Variants in CACNA1D observed in about 807,000 individuals in gnomAD.
The protein encoded by CACNA1D is voltage-dependent L-type calcium channel subunit alpha-1D.
CACNA1D carries 55 observed loss-of-function variants against 257.1 expected under a neutral mutation model. That is an observed-to-expected ratio of 0.21 (90% CI 0.17 to 0.27). The LOEUF is 0.27. CACNA1D is among the 10% of genes least tolerant of loss of function. The pLI is 1.00. For missense variants in CACNA1D, 1,876 were observed against 2,784.0 expected (o/e 0.67, Z 7.34); for synonymous variants, 980 against 1,014.9 (o/e 0.97, Z 0.65).
At chr3:53,548,371 T>TAA (rs869046550) in intron 3 of CACNA1D, among the ~76,000 whole-genome samples, 1,514 of 138,142 alleles carry the variant, frequency 0.011, 29 homozygotes, top group African/African-American at 0.039. Flanking sequence ...TTTTTTTTTT[T>TAA]AAAAATTATC....
intron 3 of CACNA1D, among the ~76,000 whole-genome samples, chr3:53,566,138 A>G (rs549314573): frequency 2.0e-5 from 3 of 152,346 alleles, no homozygotes; most frequent in Middle Eastern, 3.4e-3. Context: ...GACAATGGGA[A>G]GACACCTCCC....
chr3:53,509,457 C>A (rs895406024), intron 3 of CACNA1D, among the ~76,000 whole-genome samples: 1 of 152,230 alleles, frequency 6.6e-6, no homozygotes, highest in Admixed American at 6.5e-5. Flanking sequence ...AAATGACTTT[C>A]TTCTCCAGAA....
chr3:53,792,128 C>T (rs1356883187), intron 40 of CACNA1D: 1 of 152,206 alleles, frequency 6.6e-6, no homozygotes, highest in Non-Finnish European at 1.5e-5. Flanking sequence ...CTTTTCTGTT[C>T]TGTACCATAC....
intron 3 of CACNA1D, among the ~76,000 whole-genome samples, chr3:53,555,263 C>T (rs1224665950): frequency 6.6e-6 from 1 of 152,060 alleles, no homozygotes; most frequent in African/African-American, 2.4e-5. Flanking sequence ...TTTTTTATGG[C>T]CCTGTATTTT....
intron 40 of CACNA1D, among the ~76,000 whole-genome samples, chr3:53,799,574 G>A (rs554750921): frequency 7.9e-5 from 12 of 152,310 alleles, no homozygotes; most frequent in South Asian, 2.1e-4. Flanking sequence ...TTCAAAAAGC[G>A]GACCCCCTGT....
intron 3 of CACNA1D, among the ~76,000 whole-genome samples, chr3:53,504,916 G>A (rs963660267): frequency 1.3e-5 from 2 of 151,988 alleles, no homozygotes; most frequent in Non-Finnish European, 2.9e-5. Context: ...GGAACTGCTT[G>A]AAATTAAAAA....
chr3:53,651,366 C>CATTTTTTTTTTTTTTTTT (rs1553623470), intron 4 of CACNA1D, among the ~76,000 whole-genome samples: 1 of 81,836 alleles, frequency 1.2e-5, no homozygotes, highest in East Asian at 3.9e-4. Flanking sequence ...TATTAATTTT[C>CATTTTTTTTTTTTTTTTT]TTTTTTTTTT....
chr3:53,497,595 T>C (rs1165395817), intron 2 of CACNA1D, 134 bp downstream of exon 2: 8 of 861,498 alleles, frequency 9.3e-6, no homozygotes, highest in Non-Finnish European at 1.3e-5. Flanking sequence ...ATAAGGGGTT[T>C]CATTGTATAT....
Position 53,811,448 on chromosome 3 carries a change from G to A in CACNA1D, c.*42G>A, listed in dbSNP as rs112543277. On this transcript the variant is annotated 3_prime_UTR_variant, in exon 48 of 48. Transcript: ENST00000350061. This position sits in a 1 kb window ranked among gnomAD's most constrained non-coding sequence, Gnocchi z 4.2. Reference sequence around the variant, plus strand: ...GACTGGCTCTGGCCTCAGGTGGGGCGCAGGAGAGCCAGGGGAAAAGTGCCT... The same window carrying A: ...GACTGGCTCTGGCCTCAGGTGGGGCACAGGAGAGCCAGGGGAAAAGTGCCT... The A allele has an allele frequency of 1.4e-5, 21 of 1,482,976 alleles. No homozygotes were observed. The highest frequency in any genetic ancestry group is 2.4e-4 in the Middle Eastern group (1 of 4,110). 91.9% of individuals were successfully genotyped at this position (1,482,976 alleles called of 1,614,324 possible).
chr3:53,522,408 G>A (rs1280826318), intron 3 of CACNA1D, among the ~76,000 whole-genome samples: 2 of 151,982 alleles, frequency 1.3e-5, no homozygotes, highest in East Asian at 3.9e-4. Context: ...TGGTCTGTGG[G>A]CCCTGCAGGC....
Position 53,494,626 on chromosome 3 carries a change from C to G in CACNA1D, c.-541C>G, listed in dbSNP as rs2090269473. The G allele has an allele frequency of 2.1e-5, 3 of 145,960 alleles. No homozygotes were observed. The allele number at this position is 145,960 out of a possible 1,614,324, so 9.0% of individuals were successfully genotyped here. A position where few individuals can be genotyped will look rare whatever the true frequency, so the allele number is the denominator to read the frequency against. ...TCGCCAGGGCGAAGCCGGCGTGCGG[C>G]GCGGCGCGGCGGGCGCGGAGCGAGC... On this transcript the variant is annotated 5_prime_UTR_variant, in exon 1 of 48. Coordinates refer to ENST00000350061, the MANE Select transcript of CACNA1D (RefSeq NM_001128840.3).
At chr3:53,744,042 A>C (rs1324958075) in intron 22 of CACNA1D, among the ~76,000 whole-genome samples, 1 of 152,140 alleles carries the variant, frequency 6.6e-6, no homozygotes, top group Non-Finnish European at 1.5e-5. Flanking sequence ...CTTCCTCCTG[A>C]GCATGTGTTC....
At chr3:53,708,189 T>C (rs144347680) in intron 9 of CACNA1D, among the ~76,000 whole-genome samples, 1 of 152,376 alleles carries the variant, frequency 6.6e-6, no homozygotes, top group Non-Finnish European at 1.5e-5. Context: ...GCATAAGGCA[T>C]AGCAATTTGC....
rs549984079 is a variant in CACNA1D, at chr3:53,520,337, G to C, written c.483+18617G>C. On this transcript the variant is annotated intron_variant, in intron 3 of 47. Transcript: ENST00000350061. ...TATCTTTTTAATTATAGCCATCATA[G>C]TGCATATGAAGTGGTATCTCATTGT... Among the ~76,000 whole-genome samples, 5 of 152,322 alleles carry C rather than the reference G, an allele frequency of 3.3e-5. No homozygotes were observed. In the South Asian group the frequency reaches 1.0e-3, roughly 32 times the overall value.
chr3:53,638,682 C>T (rs2093914242), intron 3 of CACNA1D, among the ~76,000 whole-genome samples: 1 of 152,158 alleles, frequency 6.6e-6, no homozygotes, highest in South Asian at 2.1e-4. Context: ...AGTCACTTGC[C>T]CAAGTCTGCA....
intron 7 of CACNA1D, among the ~76,000 whole-genome samples, chr3:53,667,008 T>C (rs1037591619): frequency 6.6e-6 from 1 of 152,212 alleles, no homozygotes; most frequent in Admixed American, 6.5e-5. Flanking sequence ...ATGCTTTTCA[T>C]AACTCAGTAT....
intron 9 of CACNA1D, among the ~76,000 whole-genome samples, chr3:53,712,531 T>C (rs1429021509): frequency 4.6e-5 from 7 of 152,212 alleles, no homozygotes; most frequent in Admixed American, 4.6e-4. Flanking sequence ...TCTACTAGCA[T>C]GTGCATGTGC....
At chr3:53,574,803 G>T (rs1031008178) in intron 3 of CACNA1D, among the ~76,000 whole-genome samples, 3 of 152,156 alleles carry the variant, frequency 2.0e-5, no homozygotes, top group African/African-American at 7.2e-5. Context: ...GACACGCCAG[G>T]AATTACATGG....
intron 30 of CACNA1D, among the ~76,000 whole-genome samples, chr3:53,764,744 G>A (rs2095323105): frequency 6.6e-6 from 1 of 152,242 alleles, no homozygotes; most frequent in African/African-American, 2.4e-5. Context: ...CCTTGCACCA[G>A]TCAGGAAAGG....
Sources: allele counts gnomAD v4.1 joint callset (sites outside exome capture counted in the v4.1 genomes callset), GRCh38; gene constraint gnomAD v4.1.1; non-coding constraint Gnocchi (gnomAD v3.1); transcripts MANE v1.5; gene names NCBI Gene and HGNC (gene_info 2026-07-23, HGNC 2026-07-21).